NRG1: variants seen among roughly 807,000 people sequenced by gnomAD.
The protein encoded by NRG1 is neuregulin 1.
A neutral mutation model predicts 63.8 loss-of-function variants in NRG1; 18 were observed. The observed-to-expected ratio is 0.28, with a 90% CI of 0.19 to 0.42. The LOEUF is 0.42. Among genes scored for constraint, NRG1 ranks in the 10% least tolerant of loss-of-function variants. The probability of loss-of-function intolerance (pLI) is 1.00; values close to 1 mark genes in which losing one functional copy is unlikely to be tolerated. For missense variants in NRG1, 762 were observed against 814.7 expected (o/e 0.94, Z 0.79); for synonymous variants, 302 against 301.3 (o/e 1.00, Z -0.02).
chr8:32,055,178 C>T (rs932074246), intron 1 of NRG1, among the ~76,000 whole-genome samples: 1 of 152,034 alleles, frequency 6.6e-6, no homozygotes, highest in East Asian at 1.9e-4. Context: ...AGAGAAGCTC[C>T]AGCTTTTGCA....
chr8:31,699,403 A>T (rs1387439345), intron 1 of NRG1, among the ~76,000 whole-genome samples: 1 of 151,992 alleles, frequency 6.6e-6, no homozygotes, highest in Non-Finnish European at 1.5e-5. Flanking sequence ...TTTGCATATT[A>T]AAAAAAATCA....
At chr8:32,429,231 T>G (rs1817822878) in intron 1 of NRG1, among the ~76,000 whole-genome samples, 1 of 152,180 alleles carries the variant, frequency 6.6e-6, no homozygotes, top group Non-Finnish European at 1.5e-5. Flanking sequence ...CCTCTTTGTT[T>G]TTTAGAATGA....
rs550957839 is a variant in NRG1, at chr8:31,962,299, G to A, written c.37+322868G>A. 6.3e-4 allele frequency among the ~76,000 whole-genome samples: 96 copies of A among 152,206 alleles called. 1 individual carries two copies. Among genetic ancestry groups the A allele is most frequent in the Middle Eastern group, 3.4e-3 (1 of 294 alleles). On this transcript the variant is annotated intron_variant, in intron 1 of 10. Coordinates refer to the NRG1 transcript ENST00000519301. ...AATGGTGTGACTGACCTAGAGTTAC[G>A]GAGATAACTCCTACTGCTGAGCTCT... is the stretch of plus-strand genomic sequence containing the variant.
intron 1 of NRG1, among the ~76,000 whole-genome samples, chr8:32,452,960 T>G (rs1232555620): frequency 6.6e-6 from 1 of 152,216 alleles, no homozygotes; most frequent in African/African-American, 2.4e-5. Context: ...AGGTTCTGCA[T>G]AGAATATAAG....
chr8:32,385,178 C>G (rs1226027160), intron 1 of NRG1, among the ~76,000 whole-genome samples: 1 of 152,034 alleles, frequency 6.6e-6, no homozygotes, highest in Admixed American at 6.6e-5. Context: ...CGTCACCATG[C>G]CCGGCTAATT....
intron 1 of NRG1, among the ~76,000 whole-genome samples, chr8:32,390,803 C>G (rs1164834140): frequency 6.6e-6 from 1 of 151,938 alleles, no homozygotes; most frequent in Non-Finnish European, 1.5e-5. Context: ...GCCTGTATTC[C>G]CATTCGTAGT....
At chr8:32,425,287 G>A (rs1587571665) in intron 1 of NRG1, among the ~76,000 whole-genome samples, 2 of 152,310 alleles carry the variant, frequency 1.3e-5, no homozygotes, top group African/African-American at 2.4e-5. Context: ...TAATGTCAAT[G>A]TTTTTAATAG....
At chr8:32,021,209 C>A (rs532429066) in intron 1 of NRG1, among the ~76,000 whole-genome samples, 1 of 152,202 alleles carries the variant, frequency 6.6e-6, no homozygotes, top group East Asian at 1.9e-4. Flanking sequence ...ACACCTGAGA[C>A]TGAGTAATTT....
In NRG1 at chr8:32,448,747, G is replaced by A. The variant is rs761152454; in HGVS notation, c.38-147081G>A. Reference sequence around the variant, plus strand: ...TAGAGGTTCCTCGGCACCTCCTGACGCCCCCAGGGGTCCCCCCTGCCACTG... The same window carrying A: ...TAGAGGTTCCTCGGCACCTCCTGACACCCCCAGGGGTCCCCCCTGCCACTG... On this transcript the variant is annotated intron_variant, in intron 1 of 10. Transcript: ENST00000519301. Among the ~76,000 whole-genome samples the A allele has an allele frequency of 7.9e-5, 12 of 152,038 alleles. No individual in the cohort carries two copies. In the East Asian group the frequency reaches 9.7e-4, roughly 12 times the overall value.
chr8:31,712,984 CCCAT>C (rs66850785), intron 1 of NRG1, among the ~76,000 whole-genome samples: 22,212 of 132,714 alleles, frequency 0.17, 1,755 homozygotes, highest in African/African-American at 0.22. Context: ...CATCCATCCA[CCCAT>C]CCATCCATCC....
At chr8:32,593,072 TGTC>T (rs1336424800) in intron 1 of NRG1, among the ~76,000 whole-genome samples, 10 of 152,176 alleles carry the variant, frequency 6.6e-5, no homozygotes, top group African/African-American at 2.4e-4. Flanking sequence ...TCTTCATCCT[TGTC>T]ATCTTCATGT....
intron 11 of NRG1, chr8:32,763,256 A>G (rs1190725957): frequency 5.6e-6 from 9 of 1,614,108 alleles, no homozygotes; most frequent in South Asian, 4.4e-5. Flanking sequence ...AACAAGGCAC[A>G]CAGATCCAAA....
intron 1 of NRG1, among the ~76,000 whole-genome samples, chr8:31,678,088 G>GTTATTGATTTAT: frequency 6.7e-6 from 1 of 150,082 alleles, no homozygotes; most frequent in South Asian, 2.1e-4. Context: ...CTTTTAACTT[G>GTTATTGATTTAT]TTATTTATTT....
At chr8:32,366,677 GTATATATATATATA>G (rs71208175) in intron 1 of NRG1, among the ~76,000 whole-genome samples, 30,861 of 87,628 alleles carry the variant, frequency 0.35, 4,853 homozygotes, top group Admixed American at 0.44. Flanking sequence ...GTGTGTGTGT[GTATATATATATATA>G]TATATATATA....
At chr8:31,762,271 C>T (rs1250251514) in intron 1 of NRG1, among the ~76,000 whole-genome samples, 1 of 152,186 alleles carries the variant, frequency 6.6e-6, no homozygotes, top group Non-Finnish European at 1.5e-5. Flanking sequence ...GTTCAACTCC[C>T]ACTTACGTGT....
chr8:32,723,385 C>A (rs1821146849), intron 5 of NRG1, among the ~76,000 whole-genome samples: 1 of 151,996 alleles, frequency 6.6e-6, no homozygotes, highest in Admixed American at 6.6e-5. Context: ...AATAAACAGT[C>A]ACTAAAGAAT....
intron 1 of NRG1, among the ~76,000 whole-genome samples, chr8:31,922,715 C>G (rs1290198544): frequency 1.3e-5 from 2 of 152,070 alleles, no homozygotes; most frequent in Non-Finnish European, 2.9e-5. Flanking sequence ...GTCCAAATTG[C>G]CATTGATTAT....
At chr8:32,675,334 A>T (rs930434385) in intron 5 of NRG1, among the ~76,000 whole-genome samples, 2 of 152,228 alleles carry the variant, frequency 1.3e-5, no homozygotes, top group Middle Eastern at 3.2e-3. Flanking sequence ...AGATATTTTT[A>T]AAATTATAAG....
At chr8:32,192,902 C>T (rs1424241955) in intron 1 of NRG1, among the ~76,000 whole-genome samples, 1 of 152,032 alleles carries the variant, frequency 6.6e-6, no homozygotes, top group Admixed American at 6.6e-5. Context: ...AATACACCTA[C>T]CTTACTCTAT....
Sources: allele counts gnomAD v4.1 joint callset (sites outside exome capture counted in the v4.1 genomes callset), GRCh38; gene constraint gnomAD v4.1.1; transcripts MANE v1.5; gene names NCBI Gene and HGNC (gene_info 2026-07-23, HGNC 2026-07-21).